DNAAF5: variants seen among roughly 807,000 people sequenced by gnomAD.
DNAAF5 encodes dynein axonemal assembly factor 5.
In DNAAF5, 64 loss-of-function variants were observed where a neutral mutation model predicts 75.8. The ratio of observed to expected loss-of-function variants is 0.84; its 90% CI spans 0.69 to 1.04. The LOEUF (loss-of-function observed/expected upper bound fraction) is 1.04, where lower values mean the gene tolerates loss of function less well. Among genes scored for constraint, DNAAF5 ranks in the 50% least tolerant of loss-of-function variants. DNAAF5 has a pLI of 0.00. For synonymous variants in DNAAF5, 657 were observed against 557.2 expected (o/e 1.18, Z -2.52); for missense variants, 1,269 against 1,178.5 (o/e 1.08, Z -1.12).
chr7:782,841 A>G (rs201963902), intron 12 of DNAAF5, among the ~76,000 whole-genome samples: 4 of 134,776 alleles, frequency 3.0e-5, no homozygotes, highest in Admixed American at 7.4e-5. Flanking sequence ...ATCCGGCGGC[A>G]TCAGAAACTC....
At chr7:783,879 C>T (rs1443916433) in intron 12 of DNAAF5, among the ~76,000 whole-genome samples, 1 of 152,176 alleles carries the variant, frequency 6.6e-6, no homozygotes, top group Non-Finnish European at 1.5e-5. Context: ...GACCAGTGCC[C>T]CTGTGCACCA....
Position 763,910 on chromosome 7 carries a change from G to A in DNAAF5, c.1719G>A (p.Ser573=), listed in dbSNP as rs374651851. ...CCCTCCTGGAGCGGGTGACCGCGTCGCACCTTGACTGGACCGCACACTCGC... is the reference window on the plus strand; with the variant it reads ...CCCTCCTGGAGCGGGTGACCGCGTCACACCTTGACTGGACCGCACACTCGC... The part of the protein sequence containing the change: ...IGPLLERVTA[S]HLDWTAHSPE... Residue 573 remains serine, a synonymous_variant, in exon 8 of 13, where the codon TCG becomes TCA. Coordinates refer to ENST00000297440, the MANE Select transcript of DNAAF5 (RefSeq NM_017802.4). 1.9e-4 allele frequency: 304 copies of A among 1,611,666 alleles called. 3 individuals are homozygous for A. The South Asian group carries it at 1.9e-3, about 10-fold the overall frequency.
chr7:783,493 C>T (rs1779046750), intron 12 of DNAAF5, among the ~76,000 whole-genome samples: 3 of 152,184 alleles, frequency 2.0e-5, no homozygotes, highest in African/African-American at 4.8e-5. Flanking sequence ...CCCCGAGGGC[C>T]TTGGAGCCCA....
chr7:777,772 A>G (rs1459832849), intron 11 of DNAAF5, among the ~76,000 whole-genome samples: 1 of 152,224 alleles, frequency 6.6e-6, no homozygotes, highest in Non-Finnish European at 1.5e-5. Flanking sequence ...GCTGAAAACA[A>G]AGTTAGTGAC....
intron 2 of DNAAF5, among the ~76,000 whole-genome samples, chr7:739,329 C>T (rs530153603): frequency 3.3e-5 from 5 of 152,272 alleles, no homozygotes; most frequent in East Asian, 1.9e-4. Context: ...CAGGTGCGGC[C>T]GTGGCAGGTG....
At chr7:780,826 C>CTTTTTTTTTT (rs201445917) in intron 12 of DNAAF5, among the ~76,000 whole-genome samples, 34 of 131,182 alleles carry the variant, frequency 2.6e-4, no homozygotes, top group East Asian at 4.5e-4. Flanking sequence ...TTTTTTTTTT[C>CTTTTTTTTTT]TTTTTTTTTT....
chr7:733,118 T>C (rs992531412), intron 2 of DNAAF5, among the ~76,000 whole-genome samples: 3 of 152,224 alleles, frequency 2.0e-5, no homozygotes, highest in Non-Finnish European at 4.4e-5. Context: ...CTGGCTTCTC[T>C]ATTCTGTTCC....
intron 4 of DNAAF5, among the ~76,000 whole-genome samples, chr7:746,625 G>A (rs1332669267): frequency 8.5e-6 from 1 of 118,088 alleles, no homozygotes; most frequent in Non-Finnish European, 1.8e-5. Flanking sequence ...CCCTCCTTAC[G>A]GTCCTGCCAC....
intron 7 of DNAAF5, 100 bp from the exon 8 acceptor site, chr7:763,706 T>G: frequency 1.5e-6 from 2 of 1,345,704 alleles, no homozygotes; most frequent in Non-Finnish European, 1.0e-6. Flanking sequence ...GCCCGGCCTG[T>G]GTGGTTCTTA....
chr7:726,952 C>T lies in DNAAF5; in HGVS notation c.232C>T (p.Leu78=). The T allele has an allele frequency of 7.5e-7, 1 of 1,330,272 alleles. No individual in the cohort carries two copies. The allele number at this position is 1,330,272 out of a possible 1,614,324, so 82.4% of individuals were successfully genotyped here. A position where few individuals can be genotyped will look rare whatever the true frequency, so the allele number is the denominator to read the frequency against. ...AFQGPWARLL[L]PRLLRCLSDP... is the part of the protein sequence containing the mutation. Reference sequence around the variant, plus strand: ...CCAGGGCCCCTGGGCGCGCCTACTGCTGCCGCGCTTGCTGCGCTGCCTGAG... The same window carrying T: ...CCAGGGCCCCTGGGCGCGCCTACTGTTGCCGCGCTTGCTGCGCTGCCTGAG... Residue 78 remains leucine, a synonymous_variant, in exon 1 of 13, where the codon CTG becomes TTG. Transcript: ENST00000297440.
intron 5 of DNAAF5, among the ~76,000 whole-genome samples, chr7:755,847 C>G (rs1006628865): frequency 6.6e-6 from 1 of 152,222 alleles, no homozygotes; most frequent in Non-Finnish European, 1.5e-5. Flanking sequence ...TTAAAATTGT[C>G]TGTAGTTCTC....
intron 6 of DNAAF5, among the ~76,000 whole-genome samples, chr7:758,517 G>A (rs942101500): frequency 1.3e-5 from 2 of 152,212 alleles, no homozygotes; most frequent in Admixed American, 6.5e-5. Flanking sequence ...AACGTGTGTC[G>A]GCCCTTTGGC....
chr7:770,696 C>A, intron 9 of DNAAF5, 78 bp downstream of exon 9: 9 of 1,408,104 alleles, frequency 6.4e-6, no homozygotes, highest in South Asian at 1.2e-5. Flanking sequence ...CCCAACAGCT[C>A]ACTGAGCAAG....
chr7:762,762 C>T (rs1782703215), intron 7 of DNAAF5, among the ~76,000 whole-genome samples: 1 of 151,946 alleles, frequency 6.6e-6, no homozygotes, highest in Non-Finnish European at 1.5e-5. Flanking sequence ...TACAGGCGCC[C>T]ACCACCATAC....
intron 11 of DNAAF5, among the ~76,000 whole-genome samples, chr7:779,239 G>A (rs986531022): frequency 1.3e-5 from 2 of 152,026 alleles, no homozygotes; most frequent in African/African-American, 4.8e-5. Context: ...GGTGCCAGGC[G>A]CGGGCAGCCG....
rs1779140837 is a variant in DNAAF5 at position 786,213 on chromosome 7, T to G, written c.*560T>G. 2 of 152,612 alleles carry G rather than the reference T, an allele frequency of 1.3e-5. No individual in the cohort carries two copies. Among genetic ancestry groups the G allele is most frequent in the African/African-American group, 4.8e-5 (2 of 41,428 alleles). 9.5% of individuals were successfully genotyped at this position (152,612 alleles called of 1,614,324 possible). A position where few individuals can be genotyped will look rare whatever the true frequency, so the allele number is the denominator to read the frequency against. On this transcript the variant is annotated 3_prime_UTR_variant, in exon 13 of 13. Coordinates refer to ENST00000297440, the MANE Select transcript of DNAAF5 (RefSeq NM_017802.4). ...GTTATATGTCCGGTCACCGTATGTT[T>G]TAAGTCGGTGTTAATGCTAACAGTG... is the stretch of plus-strand genomic sequence containing the variant.
At chr7:750,497 G>A (rs1250984586) in intron 4 of DNAAF5, among the ~76,000 whole-genome samples, 1 of 152,196 alleles carries the variant, frequency 6.6e-6, no homozygotes, top group African/African-American at 2.4e-5. Context: ...GGTTGAAATT[G>A]TTCTACCTCA....
At chr7:756,035 A>T (rs1782470621) in intron 5 of DNAAF5, among the ~76,000 whole-genome samples, 1 of 95,246 alleles carries the variant, frequency 1.0e-5, no homozygotes, top group African/African-American at 4.2e-5. Flanking sequence ...CCCACGGTGC[A>T]GAGGGGCTGG....
rs756032170 is a variant in DNAAF5 at position 754,637 on chromosome 7, C to T, written c.1073C>T (p.Ser358Phe). The change falls in exon 5 of 13, where the codon TCC becomes TTC. Residue 358 changes from serine to phenylalanine, a missense_variant. By Grantham distance (155) the Ser-to-Phe change is radical. Coordinates refer to ENST00000297440, the MANE Select transcript of DNAAF5 (RefSeq NM_017802.4). This position sits in a 1 kb window ranked among gnomAD's most constrained non-coding sequence, Gnocchi z 4.8. Reference protein sequence around the residue: ...GCRELVFRNLSKILPALCHDI... With the variant: ...GCRELVFRNLFKILPALCHDI... ...CGGGAGCTCGTCTTCAGGAACCTCT[C>T]CAAGATCCTCCCTGCCCTGTGCCAC... is the stretch of plus-strand genomic sequence containing the variant. 1.2e-6 allele frequency: 2 copies of T among 1,614,162 alleles called. No homozygotes were observed. Among genetic ancestry groups the T allele is most frequent in the Non-Finnish European group, 1.7e-6 (2 of 1,180,022 alleles).
Sources: gnomAD v4.1 joint callset for allele counts (sites outside exome capture counted in the v4.1 genomes callset) on GRCh38, gnomAD v4.1.1 for gene constraint, Gnocchi (gnomAD v3.1) non-coding constraint, MANE v1.5 for transcripts, NCBI Gene and HGNC (gene_info 2026-07-23, HGNC 2026-07-21) for gene names.